Variants in LIMD1 observed in about 807,000 individuals in gnomAD.
LIMD1 encodes the protein LIM domain containing 1.
Under a neutral mutation model 58.4 loss-of-function variants are expected in LIMD1, and 23 were observed. The observed-to-expected ratio is 0.39, with a 90% confidence interval of 0.28 to 0.56. LIMD1 has a LOEUF of 0.56. Among genes scored for constraint, LIMD1 ranks in the 20% least tolerant of loss-of-function variants. The probability of loss-of-function intolerance (pLI) is 0.57; values close to 1 mark genes in which losing one functional copy is unlikely to be tolerated. For synonymous variants in LIMD1, 334 were observed against 345.5 expected (o/e 0.97, Z 0.37); for missense variants, 838 against 855.5 (o/e 0.98, Z 0.25).
chr3:45,677,026 C>T lies in LIMD1; in HGVS notation c.1998C>T (p.Pro666=), dbSNP rs957355593. The T allele has an allele frequency of 1.9e-6, 3 of 1,613,968 alleles. No homozygotes were observed. The African/African-American group carries it at 4.0e-5, about 22-fold the overall frequency. ...ACGTGAAGAGGCTGGAGAAGAGACC[C>T]TCATCTACAGCCCTTCACCAGCACC... ...SCHVKRLEKR[P]SSTALHQHHF The change falls in exon 8 of 8, where the codon CCC becomes CCT. Residue 666 remains proline (P), a synonymous_variant. Coordinates refer to ENST00000273317, the MANE Select transcript of LIMD1 (RefSeq NM_014240.3).
Position 45,684,139 on chromosome 3 carries a change from A to G in LIMD1, c.*7080A>G, listed in dbSNP as rs1238614367. 1 of 152,262 alleles carries G rather than the reference A, an allele frequency of 6.6e-6. No homozygotes were observed. The highest frequency in any genetic ancestry group is 2.4e-5 in the African/African-American group (1 of 41,466). The allele number at this position is 152,262 out of a possible 1,614,324, so 9.4% of individuals were successfully genotyped here. Reference sequence around the variant, plus strand: ...GAGATCTGGTTAGAAGTTCCCAGGTAGGCGACAGCCCTAGATGTGTGACAC... The same window carrying G: ...GAGATCTGGTTAGAAGTTCCCAGGTGGGCGACAGCCCTAGATGTGTGACAC... On this transcript the variant is annotated 3_prime_UTR_variant, in exon 8 of 8. Transcript: ENST00000273317.
At chr3:45,665,318 G>C (rs1697501512) in intron 2 of LIMD1, among the ~76,000 whole-genome samples, 2 of 151,894 alleles carry the variant, frequency 1.3e-5, no homozygotes, top group South Asian at 4.2e-4. Context: ...ATGCCCCCTT[G>C]TGTTGCCTCT....
intron 7 of LIMD1, 181 bp downstream of exon 7, chr3:45,674,592 C>G (rs1044945806): frequency 1.7e-6 from 1 of 592,046 alleles, no homozygotes; most frequent in East Asian, 2.8e-5. Flanking sequence ...TGGAAATGCT[C>G]AAGGTATAAA....
At chr3:45,628,939 C>A (rs536306756) in intron 1 of LIMD1, among the ~76,000 whole-genome samples, 6 of 152,260 alleles carry the variant, frequency 3.9e-5, no homozygotes, top group African/African-American at 1.4e-4. Context: ...CTCCAGATTC[C>A]ATTTATATAA....
intron 1 of LIMD1, among the ~76,000 whole-genome samples, chr3:45,624,640 G>A (rs374203110): frequency 3.3e-5 from 5 of 152,108 alleles, no homozygotes; most frequent in African/African-American, 4.8e-5. Context: ...GGAGAATGGC[G>A]TGAACCCAGG....
chr3:45,619,039 T>G (rs1033787473), intron 1 of LIMD1, among the ~76,000 whole-genome samples: 1 of 152,238 alleles, frequency 6.6e-6, no homozygotes, highest in African/African-American at 2.4e-5. Flanking sequence ...TAAAAATGTT[T>G]TTTAAAAAAC....
intron 2 of LIMD1, among the ~76,000 whole-genome samples, chr3:45,658,535 C>CTTTTTTTTTTTTTTTTTTTTTTTTTTTT (rs10572210): frequency 4.5e-5 from 2 of 44,754 alleles, no homozygotes; most frequent in African/African-American, 6.2e-5. Flanking sequence ...CATGCAGATT[C>CTTTTTTTTTTTTTTTTTTTTTTTTTTTT]TTTTTTTTTT....
At chr3:45,636,290 G>A (rs36136468) in intron 2 of LIMD1, 39 bp downstream of exon 2, 320,241 of 1,438,526 alleles carry the variant, frequency 0.22, 37,734 homozygotes, top group Non-Finnish European at 0.24. Context: ...TGGGGGATGC[G>A]TAAGGAACAT....
intron 4 of LIMD1, among the ~76,000 whole-genome samples, chr3:45,669,496 T>A (rs530845849): frequency 4.5e-4 from 69 of 152,274 alleles, no homozygotes; most frequent in African/African-American, 1.5e-3. Flanking sequence ...TTTTCACATG[T>A]GCATATACCC....
Position 45,681,232 on chromosome 3 carries a change from T to C in LIMD1, c.*4173T>C, listed in dbSNP as rs1032617347. The C allele has an allele frequency of 6.6e-6, 1 of 152,192 alleles. No homozygotes were observed. The highest frequency in any genetic ancestry group is 6.5e-5 in the Admixed American group (1 of 15,278). 9.4% of individuals were successfully genotyped at this position (152,192 alleles called of 1,614,324 possible). On this transcript the variant is annotated 3_prime_UTR_variant, in exon 8 of 8. Coordinates refer to ENST00000273317, the MANE Select transcript of LIMD1 (RefSeq NM_014240.3). ...AGTATTGTGACAAAACTGCATCAAT[T>C]TGTTGACTATTAAAGTGCTCCTTGA...
chr3:45,636,005 A>T, intron 1 of LIMD1, 145 bp from the exon 2 acceptor site: 1 of 1,511,458 alleles, frequency 6.6e-7, no homozygotes, highest in Non-Finnish European at 8.8e-7. Flanking sequence ...AGGGAGAGAA[A>T]GACACTTCAA....
intron 2 of LIMD1, among the ~76,000 whole-genome samples, chr3:45,638,179 AC>A (rs11347114): frequency 1 from 152,354 of 152,354 alleles, 76,177 homozygotes; most frequent in Non-Finnish European, 1. Context: ...TCCCCATTAA[AC>A]CCATTAATTG....
intron 7 of LIMD1, among the ~76,000 whole-genome samples, chr3:45,676,500 G>A (rs996450014): frequency 6.6e-6 from 1 of 152,034 alleles, no homozygotes; most frequent in African/African-American, 2.4e-5. Flanking sequence ...TCCCCTCCCT[G>A]TGTCCATGTG....
chr3:45,656,815 C>T (rs1052837415), intron 2 of LIMD1, among the ~76,000 whole-genome samples: 2 of 152,166 alleles, frequency 1.3e-5, no homozygotes, highest in Non-Finnish European at 2.9e-5. Flanking sequence ...CACGCCCAGC[C>T]GACAAGTGAG....
intron 3 of LIMD1, among the ~76,000 whole-genome samples, chr3:45,666,242 G>C (rs1697517040): frequency 6.6e-6 from 1 of 152,152 alleles, no homozygotes; most frequent in Non-Finnish European, 1.5e-5. Flanking sequence ...CCTGATCTGT[G>C]AGAATTGCCT....
intron 2 of LIMD1, among the ~76,000 whole-genome samples, chr3:45,645,028 C>T (rs564221451): frequency 7.9e-5 from 12 of 152,316 alleles, no homozygotes; most frequent in Non-Finnish European, 1.5e-4. Flanking sequence ...CTGAATGAGT[C>T]AGCAGGACCT....
intron 2 of LIMD1, among the ~76,000 whole-genome samples, chr3:45,646,635 A>G (rs923561520): frequency 2.6e-5 from 4 of 151,170 alleles, no homozygotes; most frequent in Non-Finnish European, 2.9e-5. Context: ...TTTAGTAGCC[A>G]TGTACAGCTT....
intron 1 of LIMD1, among the ~76,000 whole-genome samples, chr3:45,627,231 C>T (rs1312228025): frequency 6.6e-6 from 1 of 152,084 alleles, no homozygotes; most frequent in Non-Finnish European, 1.5e-5. Context: ...TCGCTGGTGC[C>T]CCAAAACCAT....
chr3:45,656,808 G>T (rs1427090671), intron 2 of LIMD1, among the ~76,000 whole-genome samples: 2 of 152,148 alleles, frequency 1.3e-5, no homozygotes, highest in South Asian at 2.1e-4. Context: ...GAGCCACCAC[G>T]CCCAGCCGAC....
Sources: allele counts gnomAD v4.1 joint callset (sites outside exome capture counted in the v4.1 genomes callset), GRCh38; gene constraint gnomAD v4.1.1; transcripts MANE v1.5; gene names NCBI Gene and HGNC (gene_info 2026-07-23, HGNC 2026-07-21).